Variants in ACVR2A observed in about 807,000 individuals in gnomAD.
The protein encoded by ACVR2A is activin A receptor type 2A.
ACVR2A carries 7 observed loss-of-function variants against 61.4 expected under a neutral mutation model. The observed-to-expected ratio is 0.11, with a 90% confidence interval of 0.06 to 0.21. ACVR2A has a LOEUF of 0.21. Among genes scored for constraint, ACVR2A ranks in the 10% least tolerant of loss-of-function variants. The pLI is 1.00. For synonymous variants in ACVR2A, 193 were observed against 208.3 expected, an observed-to-expected ratio of 0.93 and a Z score of 0.63; for missense variants, 322 against 621.7, an observed-to-expected ratio of 0.52 and a Z score of 5.13.
intron 1 of ACVR2A, among the ~76,000 whole-genome samples, chr2:147,845,656 G>A (rs1685293377): frequency 6.6e-6 from 1 of 152,320 alleles, no homozygotes; most frequent in African/African-American, 2.4e-5. Context: ...TCACGACATA[G>A]ATCAAGCCAG....
chr2:147,866,725 T>G (rs1191805295), intron 1 of ACVR2A, among the ~76,000 whole-genome samples: 2 of 152,166 alleles, frequency 1.3e-5, no homozygotes, highest in Non-Finnish European at 2.9e-5. Context: ...AGAAGAGTAC[T>G]ATTATCATTC....
chr2:147,917,760 G>A (rs1315138916), intron 6 of ACVR2A, among the ~76,000 whole-genome samples: 1 of 151,604 alleles, frequency 6.6e-6, no homozygotes, highest in African/African-American at 2.4e-5. Flanking sequence ...TTTTGATTAC[G>A]TGAACCATTT....
chr2:147,914,437 A>C (rs991683990), intron 4 of ACVR2A, among the ~76,000 whole-genome samples: 6 of 151,928 alleles, frequency 3.9e-5, no homozygotes, highest in African/African-American at 1.2e-4. Flanking sequence ...TTTTTAAAAA[A>C]CTATAGCAGT....
In ACVR2A at chr2:147,930,635, C is replaced by A. The variant is rs909541323; in HGVS notation, c.*3361C>A. ...GTTATTTTCGCTTTACTCTGTATTT[C>A]TTGTGTTTTGGGCACAGGTTATTGT... On this transcript the variant is annotated 3_prime_UTR_variant, in exon 11 of 11. Coordinates refer to ENST00000241416, the MANE Select transcript of ACVR2A (RefSeq NM_001616.5). 2 of 152,220 alleles carry A rather than the reference C, an allele frequency of 1.3e-5. No individual in the cohort carries two copies. The highest frequency in any genetic ancestry group is 4.8e-5 in the African/African-American group (2 of 41,362). The allele number at this position is 152,220 out of a possible 1,614,324, so 9.4% of individuals were successfully genotyped here.
chr2:147,915,403 G>A (rs1396800668), intron 5 of ACVR2A, 69 bp downstream of exon 5: 1 of 1,583,056 alleles, frequency 6.3e-7, no homozygotes, highest in Non-Finnish European at 8.6e-7. Flanking sequence ...CTCAGAAATA[G>A]TCTCAAAACA....
intron 8 of ACVR2A, 120 bp from the exon 9 acceptor site, chr2:147,922,853 A>T (rs1369795085): frequency 1.1e-6 from 1 of 921,156 alleles, no homozygotes; most frequent in Non-Finnish European, 1.7e-6. Context: ...TTTATACGCT[A>T]TAGTGTGTAT....
chr2:147,873,659 A>G (rs1686083901), intron 1 of ACVR2A, among the ~76,000 whole-genome samples: 1 of 147,174 alleles, frequency 6.8e-6, no homozygotes, highest in South Asian at 2.2e-4. Context: ...CTTTTGGGAG[A>G]GAGACAGAAA....
In ACVR2A at chr2:147,892,645, A is replaced by T. The variant is rs187399848; in HGVS notation, c.56-3656A>T. ...ATGAAAAATATTTTCCAAAACAAAA[A>T]ATTAGTAAAATTACAGTCTCTTAAT... On this transcript the variant is annotated intron_variant, in intron 1 of 10. Transcript: ENST00000241416. Among the ~76,000 whole-genome samples the T allele has an allele frequency of 7.9e-5, 12 of 151,816 alleles. No individual in the cohort carries two copies. In the East Asian group the frequency reaches 2.3e-3, roughly 29 times the overall value.
At chr2:147,924,424 C>T (rs1687455118) in intron 9 of ACVR2A, among the ~76,000 whole-genome samples, 1 of 151,828 alleles carries the variant, frequency 6.6e-6, no homozygotes, top group Admixed American at 6.6e-5. Context: ...CATAGGTATT[C>T]AATAAATGTT....
rs182111331 is a variant in ACVR2A at position 147,876,341 on chromosome 2, A to T, written c.56-19960A>T. 7.5e-3 allele frequency among the ~76,000 whole-genome samples: 1,142 copies of T among 152,212 alleles called. 9 individuals carry two copies. Among genetic ancestry groups the T allele is most frequent in the African/African-American group, 0.026 (1,063 of 41,560 alleles). On this transcript the variant is annotated intron_variant, in intron 1 of 10. Coordinates refer to ENST00000241416, the MANE Select transcript of ACVR2A (RefSeq NM_001616.5). ...TGAATAAAACAGCTTCTAAAAGAAAATTTAAAATATGTATCAAAAGTGAGC... is the reference window on the plus strand; with the variant it reads ...TGAATAAAACAGCTTCTAAAAGAAATTTTAAAATATGTATCAAAAGTGAGC...
At chr2:147,860,916 T>A (rs528437126) in intron 1 of ACVR2A, among the ~76,000 whole-genome samples, 1 of 152,220 alleles carries the variant, frequency 6.6e-6, no homozygotes, top group Non-Finnish European at 1.5e-5. Flanking sequence ...ATCTTGTTAA[T>A]GTGTCAGGCT....
chr2:147,884,240 T>C (rs2113792), intron 1 of ACVR2A, among the ~76,000 whole-genome samples: 59,439 of 151,962 alleles, frequency 0.39, 12,085 homozygotes, highest in South Asian at 0.51. Flanking sequence ...TTATCCCTTC[T>C]CCCCGCAAAG....
chr2:147,911,813 C>A (rs1344124448), intron 4 of ACVR2A, among the ~76,000 whole-genome samples: 1 of 151,892 alleles, frequency 6.6e-6, no homozygotes, highest in African/African-American at 2.4e-5. Flanking sequence ...TAGAAAAAAC[C>A]GTTTTACTTG....
intron 9 of ACVR2A, among the ~76,000 whole-genome samples, chr2:147,924,555 G>A (rs948082909): frequency 2.6e-5 from 4 of 151,944 alleles, no homozygotes; most frequent in Middle Eastern, 3.2e-3. Flanking sequence ...GAAAAGGCTA[G>A]ATACTGACTT....
chr2:147,854,994 C>T (rs1289739395), intron 1 of ACVR2A, among the ~76,000 whole-genome samples: 1 of 152,088 alleles, frequency 6.6e-6, no homozygotes, highest in Non-Finnish European at 1.5e-5. Flanking sequence ...GATTCTCCTG[C>T]CTCAGCCTCC....
intron 9 of ACVR2A, 141 bp downstream of exon 9, chr2:147,923,252 A>T: frequency 2.1e-6 from 2 of 932,176 alleles, no homozygotes; most frequent in Non-Finnish European, 3.1e-6. Context: ...TTCAGGAGGC[A>T]GGGGAGCAGT....
At chr2:147,869,426 G>A (rs770629274) in intron 1 of ACVR2A, among the ~76,000 whole-genome samples, 14 of 152,138 alleles carry the variant, frequency 9.2e-5, no homozygotes, top group South Asian at 2.1e-4. Context: ...TTGTGTTTGC[G>A]TGTGTTTAAA....
intron 4 of ACVR2A, among the ~76,000 whole-genome samples, chr2:147,905,296 T>C (rs1002380046): frequency 4.6e-5 from 7 of 152,114 alleles, no homozygotes; most frequent in Admixed American, 2.6e-4. Context: ...CAGATTGATA[T>C]TTTTAATCTT....
At chr2:147,893,108 G>A (rs910874100) in intron 1 of ACVR2A, among the ~76,000 whole-genome samples, 1 of 152,018 alleles carries the variant, frequency 6.6e-6, no homozygotes, top group South Asian at 2.1e-4. Flanking sequence ...GGCAATCTCT[G>A]AGCTGATTTC....
Sources: allele counts gnomAD v4.1 joint callset (sites outside exome capture counted in the v4.1 genomes callset), GRCh38; gene constraint gnomAD v4.1.1; transcripts MANE v1.5; gene names NCBI Gene and HGNC (gene_info 2026-07-23, HGNC 2026-07-21).